The following MYLK4 variants were observed in gnomAD, a reference collection of about 807,000 sequenced individuals.
MYLK4 encodes caMLCK like.
Under a neutral mutation model 48.1 loss-of-function variants are expected in MYLK4, and 46 were observed. The ratio of observed to expected loss-of-function variants is 0.96; its 90% CI spans 0.75 to 1.22. The LOEUF (loss-of-function observed/expected upper bound fraction) is 1.22. Among genes scored for constraint, MYLK4 ranks in the 50% most tolerant of loss-of-function variants. The pLI is 0.00. For synonymous variants in MYLK4, 170 were observed against 180.8 expected (o/e 0.94, Z 0.48); for missense variants, 451 against 486.1 (o/e 0.93, Z 0.68).
chr6:2,739,865 T>C (rs1262393832), intron 2 of MYLK4, among the ~76,000 whole-genome samples: 1 of 152,182 alleles, frequency 6.6e-6, no homozygotes, highest in Non-Finnish European at 1.5e-5. Flanking sequence ...GGTACTTTAT[T>C]TGGCCCTAAG....
intron 2 of MYLK4, among the ~76,000 whole-genome samples, chr6:2,707,394 A>G (rs960496769): frequency 7.9e-5 from 12 of 152,182 alleles, no homozygotes; most frequent in Non-Finnish European, 1.5e-4. Context: ...ACAGCAATAT[A>G]TTTTCAAACC....
chr6:2,765,976 C>T, the MYLK4 span: 5 of 1,401,198 alleles, frequency 3.6e-6, no homozygotes, highest in Non-Finnish European at 3.7e-6. Flanking sequence ...CCACACCCAG[C>T]GGCGCCCGCC....
At chr6:2,704,618 C>T (rs1451445294) in intron 2 of MYLK4, among the ~76,000 whole-genome samples, 1 of 152,094 alleles carries the variant, frequency 6.6e-6, no homozygotes, top group East Asian at 1.9e-4. Context: ...AACATGTTTG[C>T]CCAGAGAGAT....
chr6:2,765,790 C>A, the MYLK4 span: 2 of 1,416,702 alleles, frequency 1.4e-6, no homozygotes, highest in Non-Finnish European at 1.8e-6. Flanking sequence ...GGTCGCACCG[C>A]GCCGGGGAGC....
At chr6:2,730,053 T>C (rs922017595) in intron 2 of MYLK4, among the ~76,000 whole-genome samples, 4 of 152,230 alleles carry the variant, frequency 2.6e-5, no homozygotes, top group Admixed American at 2.6e-4. Context: ...GGTTCGACAA[T>C]AATGAATGGA....
chr6:2,764,960 A>C, the MYLK4 span, among the ~76,000 whole-genome samples: 1 of 151,876 alleles, frequency 6.6e-6, no homozygotes, highest in African/African-American at 2.4e-5. Flanking sequence ...TTTTTCCCCC[A>C]TTTCCCTTTC....
chr6:2,757,624 G>A, the MYLK4 span, among the ~76,000 whole-genome samples: 1 of 151,660 alleles, frequency 6.6e-6, no homozygotes, highest in African/African-American at 2.4e-5. Flanking sequence ...AAAAACTAGG[G>A]TTATTGGTTA....
chr6:2,692,422 G>T (rs951346800), intron 3 of MYLK4, among the ~76,000 whole-genome samples: 1 of 152,112 alleles, frequency 6.6e-6, no homozygotes, highest in Admixed American at 6.5e-5. Context: ...CTTCTGGGTA[G>T]ATCTCTCTAG....
chr6:2,723,025 C>T, intron 2 of MYLK4, among the ~76,000 whole-genome samples: 1 of 152,052 alleles, frequency 6.6e-6, no homozygotes, highest in East Asian at 1.9e-4. Context: ...GGCATGGTGG[C>T]TCACACCTTC....
chr6:2,680,179 T>C, intron 8 of MYLK4, 42 bp downstream of exon 8: 1 of 1,603,030 alleles, frequency 6.2e-7, no homozygotes, highest in Admixed American at 1.7e-5. Context: ...AACCATCATG[T>C]CCCCCAGCTC....
At chr6:2,765,145 G>A in the MYLK4 span, among the ~76,000 whole-genome samples, 1 of 142,484 alleles carries the variant, frequency 7.0e-6, no homozygotes, top group Non-Finnish European at 1.5e-5. Context: ...GTCCGCCACC[G>A]CGCAACCTCG....
chr6:2,707,344 A>T (rs887520259), intron 2 of MYLK4, among the ~76,000 whole-genome samples: 6 of 152,230 alleles, frequency 3.9e-5, no homozygotes, highest in Non-Finnish European at 7.3e-5. Context: ...GGCATTTAAC[A>T]ATCACTGTAA....
upstream of MYLK4, among the ~76,000 whole-genome samples, chr6:2,753,249 A>T (rs1335897591): frequency 6.6e-6 from 1 of 152,224 alleles, no homozygotes; most frequent in Non-Finnish European, 1.5e-5. Flanking sequence ...AAGGAGCCAC[A>T]TGAAGAAACA....
intron 2 of MYLK4, among the ~76,000 whole-genome samples, chr6:2,716,872 T>C (rs566864679): frequency 9.5e-4 from 145 of 152,336 alleles, no homozygotes; most frequent in Non-Finnish European, 1.7e-3. Flanking sequence ...GCTTGGAACA[T>C]AGTGAGCTCT....
chr6:2,740,109 C>T (rs1048119762), intron 2 of MYLK4, among the ~76,000 whole-genome samples: 3 of 152,212 alleles, frequency 2.0e-5, no homozygotes, highest in Admixed American at 6.5e-5. Flanking sequence ...GGGTTCAAAG[C>T]CCAGCTCTTT....
chr6:2,711,097 G>A lies in MYLK4; in HGVS notation c.160-18238C>T, dbSNP rs142229536. Among the ~76,000 whole-genome samples, 82 of 152,290 alleles carry A rather than the reference G, an allele frequency of 5.4e-4. 1 individual carries two copies. In the East Asian group the frequency reaches 0.01, roughly 19 times the overall value. ...ACACAGCTGTGTACATGAGACCAGG[G>A]TGGGAACATCCTCCTCCGTGTGTGC... On this transcript the variant is annotated intron_variant, in intron 2 of 12. Transcript: ENST00000274643.
intron 2 of MYLK4, among the ~76,000 whole-genome samples, chr6:2,708,195 G>T (rs9969099): frequency 0.2 from 29,993 of 152,084 alleles, 3,249 homozygotes; most frequent in African/African-American, 0.28. Context: ...CAAAATAAAA[G>T]TTGGGAAAGT....
At chr6:2,760,172 C>T in the MYLK4 span, among the ~76,000 whole-genome samples, 6 of 151,514 alleles carry the variant, frequency 4.0e-5, no homozygotes, top group Non-Finnish European at 5.9e-5. Flanking sequence ...AAAAGCAATA[C>T]AGTATAATAA....
intron 4 of MYLK4, 32 bp downstream of exon 4, chr6:2,688,819 T>C: frequency 6.4e-7 from 1 of 1,557,502 alleles, no homozygotes; most frequent in African/African-American, 1.4e-5. Context: ...TCTTCTTTTG[T>C]TGAGAGAATA....
Sources: gnomAD v4.1 joint callset for allele counts (sites outside exome capture counted in the v4.1 genomes callset) on GRCh38, gnomAD v4.1.1 for gene constraint, MANE v1.5 for transcripts, NCBI Gene and HGNC (gene_info 2026-07-23, HGNC 2026-07-21) for gene names.